Variants in KIF7 observed in about 807,000 individuals in gnomAD.
The protein encoded by KIF7 is kinesin family member 7.
KIF7 carries 104 observed loss-of-function variants against 135.7 expected under a neutral mutation model. The ratio of observed to expected loss-of-function variants is 0.77; its 90% confidence interval spans 0.65 to 0.90. KIF7 has a LOEUF of 0.90. Ranked by LOEUF, KIF7 falls within the 40% of genes least tolerant of loss-of-function variation. The pLI, the probability that KIF7 is intolerant of heterozygous loss-of-function variation, is 0.00. For synonymous variants in KIF7, 883 were observed against 809.4 expected (o/e 1.09, Z -1.54); for missense variants, 2,005 against 1,839.1 (o/e 1.09, Z -1.65).
intron 1 of KIF7, among the ~76,000 whole-genome samples, chr15:89,654,328 G>A (rs576428380): frequency 1.2e-4 from 1 of 8,236 alleles, no homozygotes; most frequent in East Asian, 5.9e-3. Flanking sequence ...AAATATTAAG[G>A]GGAAAAAAAA....
In KIF7 at chr15:89,642,239, G is replaced by A. The variant is rs1330184652; in HGVS notation, c.2358C>T (p.Phe786=). 2 of 1,610,332 alleles carry A rather than the reference G, an allele frequency of 1.2e-6. No individual in the cohort carries two copies. Among genetic ancestry groups the A allele is most frequent in the East Asian group, 2.2e-5 (1 of 44,866 alleles). The stretch of plus-strand genomic sequence containing the variant: ...TCTGGGCCGCAGCGACCCTCCTGCG[G>A]AACTCCTGGAGCCGAGACCGCTCGC... ...DAGERSRLQE[F]RRRVAAAQSQ... The change falls in exon 11 of 19, where the codon TTC becomes TTT. Residue 786 remains phenylalanine (F), a synonymous_variant. Coordinates refer to ENST00000394412, the MANE Select transcript of KIF7 (RefSeq NM_198525.3).
chr15:89,629,186 TGGGGGTGGGG>T (rs1596064507), intron 17 of KIF7, 64 bp from the exon 18 acceptor site: 8 of 609,878 alleles, frequency 1.3e-5, no homozygotes, highest in Non-Finnish European at 1.8e-5. Context: ...GCCAGGGCTG[TGGGGGTGGGG>T]GCTGTGGGCT....
Position 89,646,072 on chromosome 15 carries a change from T to C in KIF7, c.1789-46A>G, listed in dbSNP as rs201438524. 2.5e-5 allele frequency: 41 copies of C among 1,611,304 alleles called. No individual in the cohort carries two copies. The Admixed American group carries it at 6.2e-4, about 24-fold the overall frequency. On this transcript the variant is annotated intron_variant, in intron 7 of 18. Coordinates refer to ENST00000394412, the MANE Select transcript of KIF7 (RefSeq NM_198525.3). ...CCATCCCAAGTCATCATCCCTGCGA[T>C]ATACCCCACCTTGCCTGCCCTCCTC...
chr15:89,646,823 T>C lies in KIF7; in HGVS notation c.1788+7A>G. 1 of 1,613,504 alleles carries C rather than the reference T, an allele frequency of 6.2e-7. No individual in the cohort carries two copies. On this transcript the variant is annotated splice_region_variant and intron_variant, in intron 7 of 18. Coordinates refer to ENST00000394412, the MANE Select transcript of KIF7 (RefSeq NM_198525.3). Reference sequence around the variant, plus strand: ...CCCACAGACACCCAGCCTCACCCTCTTCTCACCTCTCCCCTCTGCTCAGAG... The same window carrying C: ...CCCACAGACACCCAGCCTCACCCTCCTCTCACCTCTCCCCTCTGCTCAGAG...
intron 2 of KIF7, among the ~76,000 whole-genome samples, chr15:89,651,576 G>T (rs1027685843): frequency 1.3e-5 from 2 of 152,196 alleles, no homozygotes; most frequent in Non-Finnish European, 2.9e-5. Context: ...ACAAAAGAAT[G>T]TATATAATAT....
intron 11 of KIF7, among the ~76,000 whole-genome samples, chr15:89,638,843 C>G (rs940059165): frequency 3.3e-4 from 51 of 152,310 alleles, no homozygotes; most frequent in Admixed American, 2.0e-4. Context: ...CCAAGTCAAT[C>G]CTAAGCCAAA....
At position 89,628,362 on chromosome 15, in the gene KIF7, G is replaced by A. The variant is rs1040594912; in HGVS notation, c.*57C>T. The A allele has an allele frequency of 3.2e-6, 5 of 1,547,180 alleles. No homozygotes were observed. Among genetic ancestry groups the A allele is most frequent in the Non-Finnish European group, 3.5e-6 (4 of 1,149,148 alleles). ...GCCCTTCACAGAAGCAAAACAGGCA[G>A]CTGCCCCTTTCAGCAGGCTCGGAGT... is the stretch of plus-strand genomic sequence containing the variant. On this transcript the variant is annotated 3_prime_UTR_variant, in exon 19 of 19. Coordinates refer to ENST00000394412, the MANE Select transcript of KIF7 (RefSeq NM_198525.3).
chr15:89,630,796 C>G lies in KIF7; in HGVS notation c.3112-303G>C, dbSNP rs1963657344. The G allele has an allele frequency of 6.2e-6, 3 of 486,574 alleles. No homozygotes were observed. The East Asian group carries it at 1.2e-4, about 19-fold the overall frequency. The allele number at this position is 486,574 out of a possible 1,614,324, so 30.1% of individuals were successfully genotyped here. ...GGCATGGTTGGGACAGCCACGGAGGCACCACGGTGTCTGCTGGGTAAGCTT... is the reference window on the plus strand; with the variant it reads ...GGCATGGTTGGGACAGCCACGGAGGGACCACGGTGTCTGCTGGGTAAGCTT... On this transcript the variant is annotated intron_variant, in intron 15 of 18. Transcript: ENST00000394412.
At chr15:89,622,938 A>G (rs1963450691) in intron 1 of KIF7, among the ~76,000 whole-genome samples, 2 of 152,184 alleles carry the variant, frequency 1.3e-5, no homozygotes, top group African/African-American at 4.8e-5. Context: ...CACTGCACCA[A>G]TCACATTGTA....
chr15:89,642,716 C>T (rs559588179), intron 10 of KIF7, among the ~76,000 whole-genome samples: 2 of 152,274 alleles, frequency 1.3e-5, no homozygotes, highest in Admixed American at 6.5e-5. Flanking sequence ...ATTACAGGCA[C>T]GTGCCACTAC....
intron 11 of KIF7, among the ~76,000 whole-genome samples, chr15:89,638,576 C>A (rs1485782298): frequency 8.2e-5 from 12 of 147,146 alleles, no homozygotes; most frequent in Non-Finnish European, 1.8e-4. Flanking sequence ...ACCTAGGAAT[C>A]CAACTTACAA....
intron 5 of KIF7, among the ~76,000 whole-genome samples, 194 bp from the exon 6 acceptor site, chr15:89,647,906 C>A (rs1964044775): frequency 6.6e-6 from 1 of 152,220 alleles, no homozygotes. Context: ...TTTGGGTCAT[C>A]TCTTGTAATT....
intron 12 of KIF7, 40 bp from the exon 13 acceptor site, chr15:89,633,306 CAGCATCTTACCAG>C: frequency 1.9e-6 from 3 of 1,539,820 alleles, no homozygotes; most frequent in Non-Finnish European, 2.6e-6. Flanking sequence ...TTTATGGTGC[CAGCATCTTACCAG>C]AGCCTGCCAC....
chr15:89,642,527 C>G (rs1963942799), intron 10 of KIF7, 122 bp from the exon 11 acceptor site: 1 of 648,532 alleles, frequency 1.5e-6, no homozygotes, highest in Non-Finnish European at 2.6e-6. Context: ...AGCCTTTGCA[C>G]CACCAGTACC....
chr15:89,623,606 A>T, downstream of KIF7: 1 of 1,588,040 alleles, frequency 6.3e-7, no homozygotes, highest in Non-Finnish European at 8.5e-7. Context: ...GACTGAAATA[A>T]GCATTTCTCT....
At chr15:89,618,504 G>A (rs1963372594) in intron 1 of KIF7, among the ~76,000 whole-genome samples, 1 of 152,200 alleles carries the variant, frequency 6.6e-6, no homozygotes, top group Non-Finnish European at 1.5e-5. Context: ...AACTTTGTTG[G>A]AGCTTTTCAC....
intron 11 of KIF7, among the ~76,000 whole-genome samples, chr15:89,640,964 C>T (rs1963908943): frequency 1.3e-5 from 2 of 152,066 alleles, no homozygotes; most frequent in Admixed American, 6.6e-5. Flanking sequence ...GATTGCACCA[C>T]AGCACTCCAG....
Position 89,652,031 on chromosome 15 carries a change from G to A in KIF7, c.328+572C>T, listed in dbSNP as rs142525324. On this transcript the variant is annotated intron_variant, in intron 2 of 18. Transcript: ENST00000394412. ...CTGTGAGGAATAAATTTCTCTTGAG[G>A]AGCCACCCAGTCTATGGTATTCTGT... Among the ~76,000 whole-genome samples the A allele has an allele frequency of 2.0e-3, 310 of 152,218 alleles. 2 individuals carry two copies. The highest frequency in any genetic ancestry group is 7.2e-3 in the African/African-American group (301 of 41,518).
chr15:89,652,261 G>T (rs1361998366), intron 2 of KIF7, among the ~76,000 whole-genome samples: 1 of 152,170 alleles, frequency 6.6e-6, no homozygotes, highest in Non-Finnish European at 1.5e-5. Flanking sequence ...GCTCCAGCTA[G>T]AACAGATTCC....
Sources: allele counts gnomAD v4.1 joint callset (sites outside exome capture counted in the v4.1 genomes callset), GRCh38; gene constraint gnomAD v4.1.1; transcripts MANE v1.5; gene names NCBI Gene and HGNC (gene_info 2026-07-23, HGNC 2026-07-21).